Variants in ELAVL4 observed in about 807,000 individuals in gnomAD.
ELAVL4 encodes ELAV like RNA binding protein 4.
A neutral mutation model predicts 35.6 loss-of-function variants in ELAVL4; 1 was observed. The ratio of observed to expected loss-of-function variants is 0.03; its 90% CI spans 0.01 to 0.13. The LOEUF (loss-of-function observed/expected upper bound fraction) is 0.13. ELAVL4 is among the 10% of genes least tolerant of loss of function. The pLI is 1.00. For missense variants in ELAVL4, 267 were observed against 464.9 expected (o/e 0.57, Z 3.91); for synonymous variants, 156 against 171.0 (o/e 0.91, Z 0.69).
At chr1:50,123,902 CA>C (rs1669454145) in intron 1 of ELAVL4, among the ~76,000 whole-genome samples, 1 of 152,110 alleles carries the variant, frequency 6.6e-6, no homozygotes, top group Non-Finnish European at 1.5e-5. Context: ...AGCATCATTC[CA>C]TCATTGGTCT....
chr1:50,163,966 G>T (rs752973878), intron 2 of ELAVL4, among the ~76,000 whole-genome samples: 1 of 152,172 alleles, frequency 6.6e-6, no homozygotes, highest in Non-Finnish European at 1.5e-5. Context: ...TCTAGAGTCA[G>T]ATGGGCCTAG....
At chr1:50,074,315 A>T (rs1217869643) in intron 1 of ELAVL4, among the ~76,000 whole-genome samples, 1 of 152,214 alleles carries the variant, frequency 6.6e-6, no homozygotes, top group East Asian at 1.9e-4. Flanking sequence ...GGCACTCTAG[A>T]AATCTCTCTT....
chr1:50,096,279 G>T (rs1341700164), intron 1 of ELAVL4, among the ~76,000 whole-genome samples: 1 of 151,510 alleles, frequency 6.6e-6, no homozygotes, highest in African/African-American at 2.4e-5. Flanking sequence ...TCTGACATGA[G>T]TTCTGTGGAG....
upstream of ELAVL4, among the ~76,000 whole-genome samples, chr1:50,102,087 A>G (rs552993627): frequency 4.3e-4 from 65 of 152,232 alleles, 1 homozygote; most frequent in South Asian, 0.013. Flanking sequence ...GGAGATTGAG[A>G]CCATCCTGGC....
chr1:50,158,916 T>C (rs537571879), intron 2 of ELAVL4, among the ~76,000 whole-genome samples: 1 of 151,804 alleles, frequency 6.6e-6, no homozygotes, highest in East Asian at 2.0e-4. Context: ...CAGGCGCCTG[T>C]AATCCCAGCT....
chr1:50,100,930 C>T (rs1418402000), upstream of ELAVL4, among the ~76,000 whole-genome samples: 7 of 151,900 alleles, frequency 4.6e-5, no homozygotes, highest in African/African-American at 1.7e-4. Flanking sequence ...TTATGCATTT[C>T]CTCCCCATTC....
intron 1 of ELAVL4, among the ~76,000 whole-genome samples, chr1:50,137,455 C>A (rs556986295): frequency 1.3e-5 from 2 of 151,630 alleles, no homozygotes; most frequent in East Asian, 3.9e-4. Flanking sequence ...GGGAGGATCA[C>A]TTGAGCCCAG....
chr1:50,107,113 G>A (rs536871628), upstream of ELAVL4, among the ~76,000 whole-genome samples: 2 of 152,104 alleles, frequency 1.3e-5, no homozygotes, highest in Non-Finnish European at 2.9e-5. Context: ...TGTTGATTTG[G>A]GGCACACATA....
At chr1:50,195,423 G>A in intron 4 of ELAVL4, 138 bp from the exon 5 acceptor site, 1 of 863,610 alleles carries the variant, frequency 1.2e-6, no homozygotes, top group Non-Finnish European at 1.9e-6. Context: ...TGGTGAGAGA[G>A]ATCAGGGAGC....
At chr1:50,169,780 CCTACT>C (rs1678653493) in intron 2 of ELAVL4, among the ~76,000 whole-genome samples, 1 of 152,194 alleles carries the variant, frequency 6.6e-6, no homozygotes, top group African/African-American at 2.4e-5. Context: ...TGAAGCCTTC[CCTACT>C]CTACTCAGTC....
At chr1:50,144,712 TG>T (rs1484413496) in intron 1 of ELAVL4, 4 of 693,058 alleles carry the variant, frequency 5.8e-6, no homozygotes, top group Non-Finnish European at 1.1e-5. Context: ...AACAAAATAA[TG>T]GGAGAGTTCC....
intron 1 of ELAVL4, among the ~76,000 whole-genome samples, chr1:50,076,177 G>A (rs977423543): frequency 6.6e-6 from 1 of 152,130 alleles, no homozygotes; most frequent in Non-Finnish European, 1.5e-5. Flanking sequence ...AAATCAAGGA[G>A]CAGCTGTATA....
chr1:50,102,689 T>C (rs1246798780), upstream of ELAVL4, among the ~76,000 whole-genome samples: 1 of 152,206 alleles, frequency 6.6e-6, no homozygotes, highest in Non-Finnish European at 1.5e-5. Context: ...AATTTATACA[T>C]ATACCAGGGT....
intron 1 of ELAVL4, among the ~76,000 whole-genome samples, chr1:50,112,101 C>T (rs919237389): frequency 2.0e-4 from 31 of 152,006 alleles, no homozygotes; most frequent in Admixed American, 9.8e-4. Flanking sequence ...CTTGCAGATG[C>T]GTCTTTTTGT....
Position 50,109,015 on chromosome 1 carries a change from T to TCCGGGGGGG in ELAVL4, c.-173_-172insGGGGGGGCC. 3 of 961,070 alleles carry TCCGGGGGGG rather than the reference T, an allele frequency of 3.1e-6. No homozygotes were observed. The highest frequency in any genetic ancestry group is 4.7e-5 in the South Asian group (1 of 21,226). The allele number at this position is 961,070 out of a possible 1,614,324, so 59.5% of individuals were successfully genotyped here. A position where few individuals can be genotyped will look rare whatever the true frequency, so the allele number is the denominator to read the frequency against. On this transcript the variant is annotated 5_prime_UTR_variant, in exon 1 of 7. Coordinates refer to ENST00000371824, the MANE Select transcript of ELAVL4 (RefSeq NM_001144774.3). ...GCTCCTTTTCTTTTTTTTCTTTCTC[T>TCCGGGGGGG]CCCCCGCCCACCCCCCCAAAAATAA... is the stretch of plus-strand genomic sequence containing the variant.
At chr1:50,083,201 C>T (rs1384992160) in intron 1 of ELAVL4, among the ~76,000 whole-genome samples, 3 of 152,206 alleles carry the variant, frequency 2.0e-5, no homozygotes, top group South Asian at 2.1e-4. Flanking sequence ...GGAATACAAG[C>T]ACACAACACT....
chr1:50,159,596 G>A (rs1049543289), intron 2 of ELAVL4, among the ~76,000 whole-genome samples: 28 of 151,548 alleles, frequency 1.8e-4, no homozygotes, highest in Admixed American at 1.6e-3. Flanking sequence ...GTGATGGAGC[G>A]AGATTCCATC....
chr1:50,147,264 A>T (rs1220175277), intron 2 of ELAVL4, among the ~76,000 whole-genome samples: 1 of 152,168 alleles, frequency 6.6e-6, no homozygotes, highest in Non-Finnish European at 1.5e-5. Context: ...GACCAGAGAT[A>T]TTTGCCCTCA....
intron 1 of ELAVL4, among the ~76,000 whole-genome samples, chr1:50,129,376 C>T (rs1257410830): frequency 6.6e-6 from 1 of 152,118 alleles, no homozygotes; most frequent in Non-Finnish European, 1.5e-5. Context: ...AAGCCCTCTG[C>T]TGTCAGTATG....
Sources: gnomAD v4.1 joint callset for allele counts (sites outside exome capture counted in the v4.1 genomes callset) on GRCh38, gnomAD v4.1.1 for gene constraint, MANE v1.5 for transcripts, NCBI Gene and HGNC (gene_info 2026-07-23, HGNC 2026-07-21) for gene names.